Variants in PIP5K1C observed in about 807,000 individuals in gnomAD.
The protein encoded by PIP5K1C is phosphatidylinositol 4-phosphate 5-kinase type-1 gamma.
In PIP5K1C, 45 loss-of-function variants were observed where a neutral mutation model predicts 80.1. The ratio of observed to expected loss-of-function variants is 0.56; its 90% confidence interval spans 0.44 to 0.72. The LOEUF is 0.72. Ranked by LOEUF, PIP5K1C falls within the 30% of genes least tolerant of loss-of-function variation. The pLI is 0.00. For synonymous variants in PIP5K1C, 498 were observed against 420.1 expected, an observed-to-expected ratio of 1.19 and a Z score of -2.27; for missense variants, 753 against 954.6, an observed-to-expected ratio of 0.79 and a Z score of 2.78.
chr19:3,650,045 G>C (rs1325021097), intron 8 of PIP5K1C: 1 of 162,778 alleles, frequency 6.1e-6, no homozygotes, highest in East Asian at 1.9e-4. Context: ...AGGATGGTCT[G>C]AGGGGGAGCT....
At position 3,661,876 on chromosome 19, in the gene PIP5K1C, G is replaced by C. The variant is rs755787782; in HGVS notation, c.345C>G (p.Phe115Leu). The C allele has an allele frequency of 1.2e-6, 2 of 1,612,142 alleles. No homozygotes were observed. The highest frequency in any genetic ancestry group is 1.7e-6 in the Non-Finnish European group (2 of 1,179,972). ...QDFYVVESIF[F>L]PSEGSNLTPA... ...GCTCCGGGGGCCCGGCCCACCTGGG[G>C]AAGAAGATGCTCTCCACCACGTAGA... is the stretch of plus-strand genomic sequence containing the variant. Residue 115 changes from phenylalanine to leucine, a missense_variant, in exon 4 of 18, where the codon TTC (phenylalanine) becomes TTG (leucine). This residue lies in a region of PIP5K1C where 139 missense variants were observed against 289.7 expected (regional missense o/e 0.48). Transcript: ENST00000335312.
chr19:3,648,699 C>T lies in PIP5K1C; in HGVS notation c.1137G>A (p.Gly379=). ...CCCCGCGGCCGTTCACAGCGGGGAT[C>T]CCGCCCATCCTGGGGAGAGAGGCCG... ...EAIESDDTMG[G]IPAVNGRGER... The change falls in exon 9 of 18, where the codon GGG becomes GGA. Residue 379 remains glycine, a synonymous_variant. Transcript: ENST00000335312. The surrounding 1 kb of genome is among the most constrained non-coding windows in gnomAD (Gnocchi z 4.3). 6.2e-7 allele frequency: 1 copy of T among 1,612,926 alleles called. No homozygotes were observed. The highest frequency in any genetic ancestry group is 8.5e-7 in the Non-Finnish European group (1 of 1,179,826).
intron 13 of PIP5K1C, 81 bp from the exon 14 acceptor site, chr19:3,643,020 G>A: frequency 6.5e-7 from 1 of 1,543,342 alleles, no homozygotes; most frequent in Non-Finnish European, 9.0e-7. Flanking sequence ...CTACCCGCCT[G>A]CCTACCTGCC....
chr19:3,687,561 A>ACACACATACATG (rs1355019260), intron 1 of PIP5K1C, among the ~76,000 whole-genome samples: 3 of 145,566 alleles, frequency 2.1e-5, no homozygotes, highest in South Asian at 2.2e-4. Context: ...ATGCACACGC[A>ACACACATACATG]CACACATGCA....
intron 7 of PIP5K1C, 62 bp downstream of exon 7, chr19:3,653,228 C>T (rs536042850): frequency 1.3e-5 from 20 of 1,523,622 alleles, no homozygotes; most frequent in South Asian, 3.4e-5. Flanking sequence ...CTGCCCAGGC[C>T]GAGCCCTCAC....
At chr19:3,676,517 C>T (rs12462712) in intron 1 of PIP5K1C, among the ~76,000 whole-genome samples, 16,849 of 152,256 alleles carry the variant, frequency 0.11, 1,329 homozygotes, top group Admixed American at 0.26. Context: ...CTCGGCCCCC[C>T]GCCTGGCACA....
At chr19:3,654,747 G>C (rs928599446) in intron 6 of PIP5K1C, among the ~76,000 whole-genome samples, 1 of 151,564 alleles carries the variant, frequency 6.6e-6, no homozygotes, top group Non-Finnish European at 1.5e-5. Context: ...CTAGGAGATG[G>C]AGGTTGCAGT....
intron 1 of PIP5K1C, among the ~76,000 whole-genome samples, chr19:3,698,862 G>A (rs1453302067): frequency 6.6e-6 from 1 of 152,026 alleles, no homozygotes; most frequent in Admixed American, 6.6e-5. Flanking sequence ...ATGGCCAGCT[G>A]GGGTCAGATT....
At chr19:3,698,752 G>A (rs555191170) in intron 1 of PIP5K1C, among the ~76,000 whole-genome samples, 5 of 152,204 alleles carry the variant, frequency 3.3e-5, no homozygotes, top group African/African-American at 1.2e-4. Flanking sequence ...CGTCTCTGTG[G>A]CCCAGCCAGG....
At chr19:3,636,399 C>T (rs1238206571) in intron 16 of PIP5K1C, 79 of 985,328 alleles carry the variant, frequency 8.0e-5, no homozygotes, top group Non-Finnish European at 8.6e-5. Context: ...CCCACACTTC[C>T]GCTTCTGCTG....
chr19:3,634,336 C>T (rs1382867010), intron 16 of PIP5K1C, among the ~76,000 whole-genome samples: 1 of 151,886 alleles, frequency 6.6e-6, no homozygotes, highest in African/African-American at 2.4e-5. Flanking sequence ...CTAGGCTGCT[C>T]TGCTTTCTCA....
At chr19:3,662,108 C>A in intron 3 of PIP5K1C, 107 bp from the exon 4 acceptor site, 1 of 1,361,338 alleles carries the variant, frequency 7.3e-7, no homozygotes, top group South Asian at 1.3e-5. Flanking sequence ...GCTTGGGACC[C>A]GGCACCTGCC....
intron 7 of PIP5K1C, among the ~76,000 whole-genome samples, chr19:3,652,605 G>A (rs1034554089): frequency 2.6e-5 from 4 of 152,196 alleles, no homozygotes; most frequent in African/African-American, 7.2e-5. Flanking sequence ...CGAAGCTGCC[G>A]GGGTGGGACG....
chr19:3,643,445 TCCCTGAGGCTTGGCTCACCCTGGGAA>T, intron 12 of PIP5K1C, 64 bp from the exon 13 acceptor site: 1 of 1,597,536 alleles, frequency 6.3e-7, no homozygotes, highest in Non-Finnish European at 8.5e-7. Context: ...CAGTCGATTC[TCCCTGAGGCTTGGCTCACCCTGGGAA>T]CCCACAGCCC....
intron 1 of PIP5K1C, among the ~76,000 whole-genome samples, chr19:3,697,535 G>A (rs1008697350): frequency 1.3e-5 from 2 of 152,216 alleles, no homozygotes; most frequent in African/African-American, 4.8e-5. Context: ...GGAGGACCAA[G>A]CTGGACCCGG....
chr19:3,638,940 C>T lies in PIP5K1C; in HGVS notation c.1864G>A (p.Ala622Thr), dbSNP rs1025824107. 4.3e-6 allele frequency: 7 copies of T among 1,612,162 alleles called. No individual in the cohort carries two copies. The East Asian group carries it at 6.7e-5, about 15-fold the overall frequency. The change falls in exon 16 of 18, where the codon GCA (alanine) becomes ACA (threonine). Residue 622 changes from alanine to threonine, a missense_variant. Ala to Thr is a moderately conservative substitution (Grantham distance 58). This residue lies in a region of PIP5K1C where 315 missense variants were observed against 294.5 expected (regional missense o/e 1.07). Transcript: ENST00000335312. ...TCGTCCGAGGCCTGGCTGGCAGGTG[C>T]GCCCTCCTCGTCTGAGGCCTGGCTG... ...TASQASDEEG[A>T]PASQASDEED...
In PIP5K1C at chr19:3,644,264, G is replaced by GT. The variant is rs778338999; in HGVS notation, c.1346-14dup. ...GAGGACTTCAGGGCTGCAGGGAAGGGTGGGGGTTGGTGCTTGGGGTTGCTG... is the reference window on the plus strand; with the variant it reads ...GAGGACTTCAGGGCTGCAGGGAAGGGTTGGGGGTTGGTGCTTGGGGTTGCTG... On this transcript the variant is annotated splice_polypyrimidine_tract_variant and intron_variant, in intron 11 of 17. Transcript: ENST00000335312. 20 of 1,609,936 alleles carry GT rather than the reference G, an allele frequency of 1.2e-5. No homozygotes were observed. In the Admixed American group the frequency reaches 3.2e-4, roughly 26 times the overall value.
intron 7 of PIP5K1C, 104 bp downstream of exon 7, chr19:3,653,186 G>A: frequency 1.9e-6 from 2 of 1,030,434 alleles, no homozygotes; most frequent in Non-Finnish European, 1.4e-6. Flanking sequence ...CAGGGCAGGT[G>A]GGCCTCGGCC....
intron 1 of PIP5K1C, among the ~76,000 whole-genome samples, chr19:3,678,761 G>A (rs557222710): frequency 4.6e-5 from 6 of 130,454 alleles, no homozygotes; most frequent in African/African-American, 1.5e-4. Context: ...GAGGGATGGC[G>A]GGATGGCAGG....
Sources: allele counts gnomAD v4.1 joint callset (sites outside exome capture counted in the v4.1 genomes callset), GRCh38; gene constraint gnomAD v4.1.1; regional missense constraint gnomAD v4.1.1; non-coding constraint Gnocchi (gnomAD v3.1); transcripts MANE v1.5; gene names NCBI Gene and HGNC (gene_info 2026-07-23, HGNC 2026-07-21).